Variants in COL5A2 observed in about 807,000 individuals in gnomAD.
The protein encoded by COL5A2 is collagen type V alpha 2 chain.
Under a neutral mutation model 208.2 loss-of-function variants are expected in COL5A2, and 23 were observed. The observed-to-expected ratio is 0.11, with a 90% CI of 0.08 to 0.16. The LOEUF (loss-of-function observed/expected upper bound fraction) is 0.16. Ranked by LOEUF, COL5A2 falls within the 10% of genes least tolerant of loss-of-function variation. COL5A2 has a pLI of 1.00. For missense variants in COL5A2, 1,590 were observed against 1,956.4 expected, an observed-to-expected ratio of 0.81 and a Z score of 3.53; for synonymous variants, 625 against 628.5, an observed-to-expected ratio of 0.99 and a Z score of 0.08.
Position 189,048,243 on chromosome 2 carries a change from C to T in COL5A2, c.3167G>A (p.Gly1056Asp), listed in dbSNP as rs776737901. ...PGPEGPAGND[G>D]TPGRDGAVGE... ...AACAGCACCATCCCGTCCTGGGGTA[C>T]CATCATTGCCAGCTGGACCCTATAA... is the stretch of plus-strand genomic sequence containing the variant. Residue 1056 changes from glycine to aspartate, a missense_variant, in exon 45 of 54, where the codon GGT (glycine) becomes GAT (aspartate). Transcript: ENST00000374866. 2 of 1,613,870 alleles carry T rather than the reference C, an allele frequency of 1.2e-6. No homozygotes were observed. Among genetic ancestry groups the T allele is most frequent in the African/African-American group, 1.3e-5 (1 of 74,900 alleles).
At position 189,058,539 on chromosome 2, in the gene COL5A2, T is replaced by C. The variant is rs761448105; in HGVS notation, c.2131-12A>G. The C allele has an allele frequency of 6.2e-7, 1 of 1,606,576 alleles. No individual in the cohort carries two copies. Among genetic ancestry groups the C allele is most frequent in the Admixed American group, 1.7e-5 (1 of 59,994 alleles). ...TTTCCTCGTTCTCCCTAGCACAAAATTGGGATGTCAAATAATCTCAATACT... is the reference window on the plus strand; with the variant it reads ...TTTCCTCGTTCTCCCTAGCACAAAACTGGGATGTCAAATAATCTCAATACT... On this transcript the variant is annotated splice_polypyrimidine_tract_variant and intron_variant, in intron 32 of 53. Coordinates refer to ENST00000374866, the MANE Select transcript of COL5A2 (RefSeq NM_000393.5).
At chr2:189,427,576 A>C in the COL5A2 span, among the ~76,000 whole-genome samples, 1 of 152,190 alleles carries the variant, frequency 6.6e-6, no homozygotes, top group Non-Finnish European at 1.5e-5. Flanking sequence ...TGGATCATGC[A>C]TCTGGAAAAG....
the COL5A2 span, among the ~76,000 whole-genome samples, chr2:189,246,445 A>C: frequency 6.6e-6 from 1 of 152,322 alleles, no homozygotes; most frequent in Middle Eastern, 3.4e-3. Context: ...AGCTTTGAGA[A>C]ATTTCCTAAA....
chr2:189,415,818 C>A, the COL5A2 span, among the ~76,000 whole-genome samples: 1 of 152,118 alleles, frequency 6.6e-6, no homozygotes, highest in African/African-American at 2.4e-5. Flanking sequence ...TACCACCACA[C>A]CCAGCTAATT....
chr2:189,279,429 T>C, the COL5A2 span, among the ~76,000 whole-genome samples: 1 of 151,662 alleles, frequency 6.6e-6, no homozygotes, highest in African/African-American at 2.4e-5. Context: ...TCATTTTCAA[T>C]TGGGTGGTAT....
the COL5A2 span, among the ~76,000 whole-genome samples, chr2:189,437,980 A>C: frequency 6.6e-6 from 1 of 151,942 alleles, no homozygotes; most frequent in Non-Finnish European, 1.5e-5. Context: ...AGCTTTTAAA[A>C]ATTTTATTAA....
intron 46 of COL5A2, 132 bp from the exon 47 acceptor site, chr2:189,045,364 G>C: frequency 1.7e-6 from 1 of 602,000 alleles, no homozygotes; most frequent in South Asian, 2.2e-5. Flanking sequence ...GTGTGTGTGT[G>C]CATACTCTTA....
chr2:189,230,651 C>G, the COL5A2 span, among the ~76,000 whole-genome samples: 1 of 151,726 alleles, frequency 6.6e-6, no homozygotes, highest in African/African-American at 2.4e-5. Context: ...TCATAAGATG[C>G]TAAGATGACC....
At chr2:189,085,663 T>C (rs1686641988) in intron 10 of COL5A2, 56 bp downstream of exon 10, 8 of 1,417,804 alleles carry the variant, frequency 5.6e-6, no homozygotes, top group African/African-American at 1.4e-5. Flanking sequence ...ATATTTGACA[T>C]CATTATAATG....
intron 1 of COL5A2, among the ~76,000 whole-genome samples, chr2:189,213,229 T>C (rs1221094672): frequency 6.6e-6 from 1 of 152,052 alleles, no homozygotes; most frequent in Non-Finnish European, 1.5e-5. Context: ...GGGGGAGTTG[T>C]ATAAAAAGTT....
the COL5A2 span, among the ~76,000 whole-genome samples, chr2:189,382,589 G>A: frequency 6.6e-6 from 1 of 152,096 alleles, no homozygotes; most frequent in Non-Finnish European, 1.5e-5. Context: ...CTTCTATTCA[G>A]CTGTTACGCA....
At chr2:189,406,618 T>C in the COL5A2 span, among the ~76,000 whole-genome samples, 1 of 152,202 alleles carries the variant, frequency 6.6e-6, no homozygotes, top group East Asian at 1.9e-4. Context: ...TAAACATGAT[T>C]GACACAGATC....
At chr2:189,064,070 T>G in intron 25 of COL5A2, 37 bp from the exon 26 acceptor site, 1 of 1,564,586 alleles carries the variant, frequency 6.4e-7, no homozygotes. Flanking sequence ...TTGTTGCTGA[T>G]ATGCAGTTGA....
At chr2:189,091,013 G>A (rs975030268) in intron 7 of COL5A2, among the ~76,000 whole-genome samples, 11 of 152,112 alleles carry the variant, frequency 7.2e-5, no homozygotes, top group African/African-American at 2.4e-4. Flanking sequence ...AGAATATAAT[G>A]TTCAAAGTAA....
chr2:189,414,293 A>G, the COL5A2 span, among the ~76,000 whole-genome samples: 1 of 152,174 alleles, frequency 6.6e-6, no homozygotes, highest in Non-Finnish European at 1.5e-5. Context: ...GTAAAAATTC[A>G]TATTGTAAAT....
the COL5A2 span, among the ~76,000 whole-genome samples, chr2:189,417,577 G>A: frequency 1.3e-5 from 2 of 151,922 alleles, no homozygotes; most frequent in Admixed American, 1.3e-4. Flanking sequence ...TTAATTTGAT[G>A]AGGGATTAAT....
At chr2:189,325,347 T>C in the COL5A2 span, among the ~76,000 whole-genome samples, 1 of 150,544 alleles carries the variant, frequency 6.6e-6, no homozygotes, top group South Asian at 2.1e-4. Context: ...AATAAAAAAA[T>C]AAAGAAGGAG....
intron 51 of COL5A2, among the ~76,000 whole-genome samples, 164 bp from the exon 52 acceptor site, chr2:189,036,967 C>A (rs1438623480): frequency 6.6e-6 from 1 of 152,116 alleles, no homozygotes; most frequent in Non-Finnish European, 1.5e-5. Flanking sequence ...GCATTGGGGG[C>A]CTTTCTACAT....
At chr2:189,166,251 C>T (rs1559133387) in intron 1 of COL5A2, among the ~76,000 whole-genome samples, 1 of 152,160 alleles carries the variant, frequency 6.6e-6, no homozygotes, top group Non-Finnish European at 1.5e-5. Flanking sequence ...CTTCCACATC[C>T]TGCAGTCTCC....
Sources: gnomAD v4.1 joint callset for allele counts (sites outside exome capture counted in the v4.1 genomes callset) on GRCh38, gnomAD v4.1.1 for gene constraint, MANE v1.5 for transcripts, NCBI Gene and HGNC (gene_info 2026-07-23, HGNC 2026-07-21) for gene names.